PDE8A: variants seen among roughly 807,000 people sequenced by gnomAD.
The protein encoded by PDE8A is high affinity cAMP-specific and IBMX-insensitive 3',5'-cyclic phosphodiesterase 8A.
In PDE8A, 59 loss-of-function variants were observed where a neutral mutation model predicts 105.0. The ratio of observed to expected loss-of-function variants is 0.56; its 90% CI spans 0.46 to 0.70. The LOEUF (loss-of-function observed/expected upper bound fraction) is 0.70, where lower values mean the gene tolerates loss of function less well. Ranked by LOEUF, PDE8A falls within the 30% of genes least tolerant of loss-of-function variation. The probability of loss-of-function intolerance (pLI) is 0.00; values close to 1 mark genes in which losing one functional copy is unlikely to be tolerated. For synonymous variants in PDE8A, 355 were observed against 371.9 expected, an observed-to-expected ratio of 0.95 and a Z score of 0.52; for missense variants, 1,014 against 1,045.9, an observed-to-expected ratio of 0.97 and a Z score of 0.42.
chr15:85,088,829 C>T (rs556070175), intron 6 of PDE8A, among the ~76,000 whole-genome samples: 1 of 152,236 alleles, frequency 6.6e-6, no homozygotes, highest in East Asian at 1.9e-4. Context: ...AGAAAATGCT[C>T]ACAGAAGAAG....
intron 1 of PDE8A, among the ~76,000 whole-genome samples, chr15:84,983,633 C>A (rs1016931024): frequency 6.6e-6 from 1 of 152,208 alleles, no homozygotes; most frequent in African/African-American, 2.4e-5. Flanking sequence ...CTTACTAACT[C>A]AAGGTGCTCT....
At chr15:85,054,266 G>C (rs1192547357) in intron 1 of PDE8A, among the ~76,000 whole-genome samples, 1 of 152,140 alleles carries the variant, frequency 6.6e-6, no homozygotes, top group Non-Finnish European at 1.5e-5. Flanking sequence ...CAGGGATATT[G>C]GTCTAAAATT....
At chr15:85,015,585 T>G (rs117572558) in intron 1 of PDE8A, among the ~76,000 whole-genome samples, 5,247 of 152,314 alleles carry the variant, frequency 0.034, 126 homozygotes, top group Non-Finnish European at 0.051. Context: ...TCAGAAAGTA[T>G]TATTTCTCTA....
At chr15:85,019,513 A>G (rs1309327363) in intron 1 of PDE8A, among the ~76,000 whole-genome samples, 1 of 152,118 alleles carries the variant, frequency 6.6e-6, no homozygotes, top group Non-Finnish European at 1.5e-5. Context: ...GTCAGCCCCT[A>G]CCGAATAGCT....
chr15:85,117,385 A>G (rs551096842), intron 16 of PDE8A, among the ~76,000 whole-genome samples: 23 of 152,110 alleles, frequency 1.5e-4, no homozygotes, highest in Non-Finnish European at 2.8e-4. Flanking sequence ...CCCCCCAACA[A>G]ATCGGGAGCC....
At chr15:85,034,190 C>G (rs909878746) in intron 1 of PDE8A, among the ~76,000 whole-genome samples, 1 of 152,132 alleles carries the variant, frequency 6.6e-6, no homozygotes, top group Non-Finnish European at 1.5e-5. Context: ...GTGAGAAACT[C>G]CGTAAGGAAA....
intron 1 of PDE8A, among the ~76,000 whole-genome samples, chr15:85,038,221 G>A (rs1200666496): frequency 1.6e-4 from 2 of 12,262 alleles, no homozygotes; most frequent in East Asian, 2.9e-3. Context: ...TGGGGGGTGT[G>A]TGTGTGTGTG....
chr15:85,013,871 G>A (rs2080279942), intron 1 of PDE8A, among the ~76,000 whole-genome samples: 1 of 152,164 alleles, frequency 6.6e-6, no homozygotes, highest in Non-Finnish European at 1.5e-5. Flanking sequence ...GTTAGTGCAG[G>A]ATGTTTTGGG....
intron 1 of PDE8A, among the ~76,000 whole-genome samples, chr15:85,028,962 T>C (rs946350137): frequency 5.3e-5 from 8 of 152,122 alleles, no homozygotes; most frequent in African/African-American, 1.9e-4. Context: ...ACAAAAAGGA[T>C]TGATGGCAGC....
intron 20 of PDE8A, among the ~76,000 whole-genome samples, chr15:85,133,890 A>T (rs1462783783): frequency 2.0e-5 from 3 of 151,932 alleles, no homozygotes; most frequent in African/African-American, 4.8e-5. Flanking sequence ...CTTCATGGGG[A>T]GTGGGGCTTG....
chr15:85,081,259 G>T (rs1406004260), intron 5 of PDE8A, among the ~76,000 whole-genome samples: 1 of 152,154 alleles, frequency 6.6e-6, no homozygotes, highest in Non-Finnish European at 1.5e-5. Context: ...GTAGGTGGAG[G>T]ACCTGCTAGC....
At chr15:85,133,950 C>T (rs961428968) in intron 20 of PDE8A, among the ~76,000 whole-genome samples, 4 of 152,068 alleles carry the variant, frequency 2.6e-5, no homozygotes, top group South Asian at 2.1e-4. Context: ...CTTTTATTTT[C>T]GCTTGGGGCA....
At chr15:85,007,906 C>T (rs962424734) in intron 1 of PDE8A, among the ~76,000 whole-genome samples, 11 of 151,988 alleles carry the variant, frequency 7.2e-5, no homozygotes, top group African/African-American at 2.4e-4. Flanking sequence ...TACAGTGGTG[C>T]CTGTAGTGGA....
At chr15:84,981,492 T>C (rs748009467), upstream of PDE8A, among the ~76,000 whole-genome samples, 3 of 152,056 alleles carry the variant, frequency 2.0e-5, no homozygotes, top group Non-Finnish European at 4.4e-5. Flanking sequence ...GCTGCTCCCC[T>C]CCCTACCCTG....
intron 1 of PDE8A, among the ~76,000 whole-genome samples, chr15:85,020,729 A>G (rs1381291124): frequency 6.6e-6 from 1 of 152,146 alleles, no homozygotes; most frequent in Non-Finnish European, 1.5e-5. Context: ...TGTTACTAAT[A>G]TTTTACCATG....
rs574486342 is a variant in PDE8A at position 85,047,262 on chromosome 15, A to G, written c.187-17108A>G. 2.0e-5 allele frequency among the ~76,000 whole-genome samples: 3 copies of G among 152,234 alleles called. No individual in the cohort carries two copies. The South Asian group carries it at 6.2e-4, about 31-fold the overall frequency. ...GATTATGATTTCCATACATAAAGAA[A>G]GGATGGATACAAGAATTCCAGAAGT... On this transcript the variant is annotated intron_variant, in intron 1 of 21. Transcript: ENST00000394553.
intron 11 of PDE8A, among the ~76,000 whole-genome samples, chr15:85,101,859 G>C (rs542655976): frequency 6.6e-6 from 1 of 152,292 alleles, no homozygotes; most frequent in South Asian, 2.1e-4. Context: ...AGTAGGGCTG[G>C]GGAGGATGAA....
At chr15:85,124,115 CCT>C (rs1435481410) in intron 19 of PDE8A, among the ~76,000 whole-genome samples, 1 of 152,098 alleles carries the variant, frequency 6.6e-6, no homozygotes, top group Non-Finnish European at 1.5e-5. Flanking sequence ...TATTGTTGCC[CCT>C]GTTTCTACAT....
intron 8 of PDE8A, among the ~76,000 whole-genome samples, chr15:85,096,955 C>T (rs1262286517): frequency 1.3e-5 from 2 of 152,158 alleles, no homozygotes; most frequent in African/African-American, 4.8e-5. Flanking sequence ...TGCAGGTTGC[C>T]ATGTACCAAA....
Sources: allele counts gnomAD v4.1 joint callset (sites outside exome capture counted in the v4.1 genomes callset), GRCh38; gene constraint gnomAD v4.1.1; transcripts MANE v1.5; gene names NCBI Gene and HGNC (gene_info 2026-07-23, HGNC 2026-07-21).